The following SORCS1 variants were observed in gnomAD, a reference collection of about 807,000 sequenced individuals.
SORCS1 encodes the protein VPS10 domain-containing receptor SorCS1.
In SORCS1, 60 loss-of-function variants were observed where a neutral mutation model predicts 146.1. The observed-to-expected ratio is 0.41, with a 90% confidence interval of 0.33 to 0.51. The LOEUF is 0.51. Ranked by LOEUF, SORCS1 falls within the 20% of genes least tolerant of loss-of-function variation. The pLI is 0.21. For synonymous variants in SORCS1, 637 were observed against 584.0 expected (o/e 1.09, Z -1.31); for missense variants, 1,352 against 1,487.6 (o/e 0.91, Z 1.50).
intron 2 of SORCS1, among the ~76,000 whole-genome samples, chr10:106,917,033 G>A (rs888516401): frequency 6.6e-6 from 1 of 152,142 alleles, no homozygotes; most frequent in South Asian, 2.1e-4. Context: ...GTGAGCCACC[G>A]CACCCAGCCC....
intron 1 of SORCS1, among the ~76,000 whole-genome samples, chr10:107,147,874 G>A (rs1272789495): frequency 6.6e-6 from 1 of 152,096 alleles, no homozygotes; most frequent in African/African-American, 2.4e-5. Context: ...CATACAGAGA[G>A]TGACCCGGCA....
rs1961111581 is a variant in SORCS1 at position 107,060,653 on chromosome 10, A to T, written c.558+103316T>A. Among the ~76,000 whole-genome samples, 1 of 152,062 alleles carries T rather than the reference A, an allele frequency of 6.6e-6. No individual in the cohort carries two copies. Among genetic ancestry groups the T allele is most frequent in the African/African-American group, 2.4e-5 (1 of 41,402 alleles). Reference sequence around the variant, plus strand: ...CAACCCTTTTCCCTTACTTTGTGATATTTGTGACCATGAGTCCCCGGCTCA... The same window carrying T: ...CAACCCTTTTCCCTTACTTTGTGATTTTTGTGACCATGAGTCCCCGGCTCA... On this transcript the variant is annotated intron_variant, in intron 1 of 25. Coordinates refer to ENST00000263054, the MANE Select transcript of SORCS1 (RefSeq NM_052918.5). This position sits in a 1 kb window ranked among gnomAD's most constrained non-coding sequence, Gnocchi z 4.1.
chr10:106,727,475 T>A (rs897684450), intron 6 of SORCS1, among the ~76,000 whole-genome samples: 1 of 152,210 alleles, frequency 6.6e-6, no homozygotes, highest in Non-Finnish European at 1.5e-5. Context: ...TGCCTCAGCC[T>A]TCTGACTAGC....
intron 2 of SORCS1, among the ~76,000 whole-genome samples, chr10:106,916,518 T>C (rs1952433728): frequency 6.8e-6 from 1 of 147,808 alleles, no homozygotes; most frequent in Non-Finnish European, 1.5e-5. Flanking sequence ...TAATTATGTA[T>C]TATATATAAT....
chr10:106,971,359 T>C (rs1955779461), intron 1 of SORCS1, among the ~76,000 whole-genome samples: 2 of 152,340 alleles, frequency 1.3e-5, no homozygotes, highest in Non-Finnish European at 2.9e-5. Flanking sequence ...GTGGATCGTC[T>C]GACTGAATGA....
chr10:106,773,736 T>A (rs1049131510), intron 4 of SORCS1, among the ~76,000 whole-genome samples: 10 of 151,948 alleles, frequency 6.6e-5, no homozygotes, highest in Admixed American at 1.3e-4. Flanking sequence ...GATCACAAGG[T>A]CAGGAGTTTG....
At chr10:106,847,594 C>T (rs1949353018) in intron 2 of SORCS1, among the ~76,000 whole-genome samples, 1 of 48,684 alleles carries the variant, frequency 2.1e-5, no homozygotes, top group Non-Finnish European at 4.6e-5. Flanking sequence ...TTCAGTTCTG[C>T]TCTGATTTTA....
chr10:106,856,481 C>A (rs952684659), intron 2 of SORCS1, among the ~76,000 whole-genome samples: 7 of 152,176 alleles, frequency 4.6e-5, no homozygotes, highest in Non-Finnish European at 8.8e-5. Context: ...TATTTCCCTT[C>A]CCCCTAGTCA....
intron 9 of SORCS1, among the ~76,000 whole-genome samples, chr10:106,692,188 C>T (rs564628771): frequency 1.3e-5 from 2 of 152,032 alleles, no homozygotes; most frequent in South Asian, 2.1e-4. Flanking sequence ...ACTACAGTTG[C>T]ACACCACTAT....
At chr10:107,078,983 T>G (rs867103257) in intron 1 of SORCS1, among the ~76,000 whole-genome samples, 1 of 152,194 alleles carries the variant, frequency 6.6e-6, no homozygotes, top group Non-Finnish European at 1.5e-5. Context: ...CCCAGCACTT[T>G]GGGAGGCCAA....
At chr10:106,843,970 C>A (rs1949185998) in intron 2 of SORCS1, among the ~76,000 whole-genome samples, 1 of 152,174 alleles carries the variant, frequency 6.6e-6, no homozygotes, top group Non-Finnish European at 1.5e-5. Flanking sequence ...TTAGGAGCCA[C>A]CACATTGTTT....
chr10:106,730,438 T>C (rs193063335), intron 5 of SORCS1, among the ~76,000 whole-genome samples: 1 of 152,312 alleles, frequency 6.6e-6, no homozygotes, highest in East Asian at 1.9e-4. Flanking sequence ...GTATTAAACT[T>C]TCAAAACTTA....
Position 106,829,615 on chromosome 10 carries a change from T to C in SORCS1, c.685A>G (p.Ile229Val), listed in dbSNP as rs1948452947. The C allele has an allele frequency of 1.2e-6, 2 of 1,608,298 alleles. No individual in the cohort carries two copies. Among genetic ancestry groups the C allele is most frequent in the Non-Finnish European group, 1.7e-6 (2 of 1,175,420 alleles). ...GGACACACATAGAGATAGCTCAAAA[T>C]GGTTTTCAAACCAACTTTATCATTC... Reference protein sequence around the residue: ...KLNDKVGLKTILSYLYVCPTN... With the variant: ...KLNDKVGLKTVLSYLYVCPTN... Residue 229 changes from isoleucine to valine, a missense_variant, in exon 3 of 26, where the codon ATT (isoleucine) becomes GTT (valine). By Grantham distance (29) the Ile-to-Val change is conservative (BLOSUM62 3). This residue lies in a region of SORCS1 where 490 missense variants were observed against 489.1 expected (regional missense o/e 1.00). Transcript: ENST00000263054.
At chr10:106,734,677 TTA>T (rs1159974509) in intron 5 of SORCS1, among the ~76,000 whole-genome samples, 1 of 152,222 alleles carries the variant, frequency 6.6e-6, no homozygotes, top group East Asian at 1.9e-4. Context: ...CGTCACTTTT[TTA>T]GTCTTTAAAA....
chr10:106,685,156 A>G (rs889611838), intron 10 of SORCS1, among the ~76,000 whole-genome samples: 1 of 152,180 alleles, frequency 6.6e-6, no homozygotes, highest in Non-Finnish European at 1.5e-5. Flanking sequence ...AGAAAATGTG[A>G]CAAATCCTCC....
intron 1 of SORCS1, among the ~76,000 whole-genome samples, chr10:107,134,185 C>T (rs1040938481): frequency 6.6e-6 from 1 of 151,966 alleles, no homozygotes; most frequent in Non-Finnish European, 1.5e-5. Context: ...AAACTGATGT[C>T]AGGAAGGAAA....
chr10:106,627,163 G>A (rs531970512), intron 19 of SORCS1, among the ~76,000 whole-genome samples: 1 of 152,174 alleles, frequency 6.6e-6, no homozygotes, highest in South Asian at 2.1e-4. Flanking sequence ...GGGAGCAGTA[G>A]ACACCTCAAG....
rs183833597 is a variant in SORCS1 at position 107,148,314 on chromosome 10, T to C, written c.558+15655A>G. Among the ~76,000 whole-genome samples, 32 of 152,362 alleles carry C rather than the reference T, an allele frequency of 2.1e-4. No individual in the cohort carries two copies. In the East Asian group the frequency reaches 6.0e-3, roughly 28 times the overall value. ...GTAAATATTTTAGGTTTGTGAGCTA[T>C]ACGGTCTCTGTCACAACTATTCAAC... On this transcript the variant is annotated intron_variant, in intron 1 of 25. Coordinates refer to ENST00000263054, the MANE Select transcript of SORCS1 (RefSeq NM_052918.5).
intron 18 of SORCS1, among the ~76,000 whole-genome samples, chr10:106,633,001 G>T (rs12413403): frequency 0.016 from 2,360 of 152,106 alleles, 40 homozygotes; most frequent in Admixed American, 0.044. Context: ...GAGATAGTAC[G>T]GTTGAAGAAA....
Sources: gnomAD v4.1 joint callset for allele counts (sites outside exome capture counted in the v4.1 genomes callset) on GRCh38, gnomAD v4.1.1 for gene constraint, gnomAD v4.1.1 regional missense constraint, Gnocchi (gnomAD v3.1) non-coding constraint, MANE v1.5 for transcripts, NCBI Gene and HGNC (gene_info 2026-07-23, HGNC 2026-07-21) for gene names.